PPP2R5C: variants seen among roughly 807,000 people sequenced by gnomAD.
The protein encoded by PPP2R5C is protein phosphatase 2 regulatory subunit B'gamma.
A neutral mutation model predicts 68.9 loss-of-function variants in PPP2R5C; 7 were observed. The observed-to-expected ratio is 0.10, with a 90% CI of 0.06 to 0.19. PPP2R5C has a LOEUF of 0.19. Ranked by LOEUF, PPP2R5C falls within the 10% of genes least tolerant of loss-of-function variation. The pLI, the probability that PPP2R5C is intolerant of heterozygous loss-of-function variation, is 1.00. For synonymous variants in PPP2R5C, 210 were observed against 222.2 expected (o/e 0.95, Z 0.49); for missense variants, 348 against 641.3 (o/e 0.54, Z 4.94).
At chr14:101,872,877 G>A (rs977854036) in intron 2 of PPP2R5C, among the ~76,000 whole-genome samples, 29 of 149,978 alleles carry the variant, frequency 1.9e-4, no homozygotes, top group African/African-American at 6.6e-4. Flanking sequence ...TCCCAATAAC[G>A]TGTATTAGGC....
chr14:101,803,039 A>G (rs1310891888), intron 3 of PPP2R5C, among the ~76,000 whole-genome samples: 2 of 151,580 alleles, frequency 1.3e-5, no homozygotes, highest in Non-Finnish European at 2.9e-5. Context: ...ACGTGGTGAA[A>G]CTCCATCTCT....
At chr14:101,779,862 A>G (rs1468092922) in intron 2 of PPP2R5C, among the ~76,000 whole-genome samples, 1 of 152,176 alleles carries the variant, frequency 6.6e-6, no homozygotes, top group Non-Finnish European at 1.5e-5. Flanking sequence ...AGATGAGGGA[A>G]GGTGTTCTGA....
chr14:101,915,052 TTTTGG>T lies in PPP2R5C; in HGVS notation c.1326+2599_1326+2603del, dbSNP rs747682001. Among the ~76,000 whole-genome samples the T allele has an allele frequency of 2.0e-5, 3 of 151,966 alleles. No individual in the cohort carries two copies. The highest frequency in any genetic ancestry group is 7.3e-5 in the African/African-American group (3 of 41,348). On this transcript the variant is annotated intron_variant, in intron 12 of 13. Coordinates refer to ENST00000334743, the Ensembl canonical transcript of PPP2R5C. This position sits in a 1 kb window ranked among gnomAD's most constrained non-coding sequence, Gnocchi z 4.2. ...GAATGCACCTCAGTGAAGGTTTTTG[TTTTGG>T]TTTGGTTTGGTTTGGTTTGATTTGG...
At chr14:101,849,709 T>C (rs2042037745) in intron 1 of PPP2R5C, among the ~76,000 whole-genome samples, 1 of 152,252 alleles carries the variant, frequency 6.6e-6, no homozygotes, top group South Asian at 2.1e-4. Flanking sequence ...GCTTCCTTTC[T>C]TTCTTTCTTC....
chr14:101,903,083 T>C (rs1192488394), intron 9 of PPP2R5C, among the ~76,000 whole-genome samples: 1 of 150,732 alleles, frequency 6.6e-6, no homozygotes, highest in Non-Finnish European at 1.5e-5. Flanking sequence ...GCTTTCAGTG[T>C]GAGCACTTTG....
At chr14:101,806,283 T>G (rs769673177), upstream of PPP2R5C, among the ~76,000 whole-genome samples, 2 of 146,936 alleles carry the variant, frequency 1.4e-5, no homozygotes, top group Non-Finnish European at 1.5e-5. Context: ...CGACAGGTCC[T>G]GGTGTGTGAT....
At chr14:101,815,422 T>C (rs906980127) in intron 1 of PPP2R5C, among the ~76,000 whole-genome samples, 1 of 152,194 alleles carries the variant, frequency 6.6e-6, no homozygotes, top group Admixed American at 6.5e-5. Context: ...AAGGTTTACA[T>C]GCGTATGTTC....
intron 2 of PPP2R5C, among the ~76,000 whole-genome samples, chr14:101,871,569 C>A (rs1056048639): frequency 6.6e-6 from 1 of 152,118 alleles, no homozygotes; most frequent in South Asian, 2.1e-4. Flanking sequence ...TTCAGTCAGA[C>A]AATCCCTGTC....
chr14:101,786,566 A>T (rs2038096595), intron 3 of PPP2R5C, among the ~76,000 whole-genome samples: 1 of 152,264 alleles, frequency 6.6e-6, no homozygotes, highest in African/African-American at 2.4e-5. Context: ...TGTAAAAATT[A>T]TAGTAGAAGT....
chr14:101,870,268 A>G (rs180966030), intron 2 of PPP2R5C, among the ~76,000 whole-genome samples: 71 of 152,208 alleles, frequency 4.7e-4, no homozygotes, highest in Non-Finnish European at 9.0e-4. Flanking sequence ...AGCATATCTA[A>G]GAAGTCTGCC....
intron 2 of PPP2R5C, among the ~76,000 whole-genome samples, chr14:101,768,699 A>G (rs1269377620): frequency 6.6e-6 from 1 of 152,128 alleles, no homozygotes; most frequent in South Asian, 2.1e-4. Flanking sequence ...TCATGTTATC[A>G]TAAAAACCGT....
At chr14:101,911,781 G>A (rs1050195439) in intron 11 of PPP2R5C, among the ~76,000 whole-genome samples, 8 of 151,976 alleles carry the variant, frequency 5.3e-5, no homozygotes, top group African/African-American at 1.9e-4. Flanking sequence ...CTACTCGGGA[G>A]GTTGAGGCAG....
chr14:101,895,552 AG>A (rs1430345365), intron 8 of PPP2R5C, among the ~76,000 whole-genome samples: 5 of 152,242 alleles, frequency 3.3e-5, no homozygotes, highest in Admixed American at 3.3e-4. Flanking sequence ...ACCTTATATA[AG>A]GAGAATCATA....
intron 9 of PPP2R5C, among the ~76,000 whole-genome samples, chr14:101,903,633 A>T (rs931156853): frequency 6.6e-6 from 1 of 151,088 alleles, no homozygotes; most frequent in South Asian, 2.1e-4. Flanking sequence ...ACATTCCAGA[A>T]TCTTTTCCAG....
chr14:101,874,194 T>C (rs1298588201), intron 2 of PPP2R5C, among the ~76,000 whole-genome samples: 7 of 152,212 alleles, frequency 4.6e-5, no homozygotes. Flanking sequence ...GATAAGGAGT[T>C]TAGCTCTGAA....
At chr14:101,883,694 T>G in intron 5 of PPP2R5C, 132 bp downstream of exon 7, 1 of 1,227,358 alleles carries the variant, frequency 8.1e-7, no homozygotes, top group Non-Finnish European at 1.1e-6. Flanking sequence ...CTATTTGTCA[T>G]GTGCAGGTGG....
chr14:101,828,059 A>G (rs1442636055), intron 1 of PPP2R5C, among the ~76,000 whole-genome samples: 2 of 152,192 alleles, frequency 1.3e-5, no homozygotes, highest in East Asian at 3.8e-4. Context: ...CTAACTCTAC[A>G]ATTTCAGTTT....
upstream of PPP2R5C, chr14:101,809,879 T>A (rs2039247679): frequency 1.2e-5 from 19 of 1,561,066 alleles, no homozygotes; most frequent in East Asian, 4.6e-5. Context: ...TTTTTTTTTT[T>A]AAACTAAAAT....
chr14:101,851,924 A>G (rs1396943038), intron 1 of PPP2R5C, among the ~76,000 whole-genome samples: 1 of 152,164 alleles, frequency 6.6e-6, no homozygotes, highest in Non-Finnish European at 1.5e-5. Flanking sequence ...GTGGCTAAGC[A>G]TGTATGTCAC....
Sources: gnomAD v4.1 joint callset for allele counts (sites outside exome capture counted in the v4.1 genomes callset) on GRCh38, gnomAD v4.1.1 for gene constraint, Gnocchi (gnomAD v3.1) non-coding constraint, MANE v1.5 for transcripts, NCBI Gene and HGNC (gene_info 2026-07-23, HGNC 2026-07-21) for gene names.